The following ZBTB40 variants were observed in gnomAD, a reference collection of about 807,000 sequenced individuals.
ZBTB40 encodes the protein zinc finger and BTB domain-containing protein 40.
ZBTB40 carries 60 observed loss-of-function variants against 117.5 expected under a neutral mutation model. The ratio of observed to expected loss-of-function variants is 0.51; its 90% CI spans 0.41 to 0.63. The LOEUF is 0.63. ZBTB40 is among the 30% of genes least tolerant of loss of function. ZBTB40 has a pLI of 0.00. For synonymous variants in ZBTB40, 525 were observed against 577.1 expected (o/e 0.91, Z 1.29); for missense variants, 1,287 against 1,498.5 (o/e 0.86, Z 2.33).
In ZBTB40 at chr1:22,489,994, A is replaced by G. The variant is rs1454495968; in HGVS notation, c.46A>G (p.Thr16Ala). 1.2e-6 allele frequency: 2 copies of G among 1,613,606 alleles called. No individual in the cohort carries two copies. The highest frequency in any genetic ancestry group is 1.7e-6 in the Non-Finnish European group (2 of 1,179,994). ...CCGGCAGCTGCTGCAGCAGCTGTAC[A>G]CTCTGTGCAAGGAGCAGCAGTTCTG... Reference protein sequence around the residue: ...YSRQLLQQLYTLCKEQQFCDC... With the variant: ...YSRQLLQQLYALCKEQQFCDC... The change falls in exon 2 of 18, where the codon ACT becomes GCT. Residue 16 changes from threonine (T) to alanine (A), a missense_variant. Physicochemically the swap from Thr to Ala is moderately conservative, Grantham distance 58. This residue lies in a region of ZBTB40 where 870 missense variants were observed against 934.4 expected (regional missense o/e 0.93). Coordinates refer to ENST00000375647, the MANE Select transcript of ZBTB40 (RefSeq NM_014870.4).
rs779985486 is a variant in ZBTB40, at chr1:22,521,664, G to T, written c.3211+6G>T. 2 of 1,614,248 alleles carry T rather than the reference G, an allele frequency of 1.2e-6. No individual in the cohort carries two copies. The highest frequency in any genetic ancestry group is 3.3e-5 in the Admixed American group (2 of 60,026). On this transcript the variant is annotated splice_donor_region_variant and intron_variant, in intron 15 of 17. Transcript: ENST00000375647. ...CATCAAAGCAGAACATGCAGGTGGA[G>T]TTTGGGTACCGCCGGCAGAGAGCGG...
At chr1:22,460,040 C>A (rs918749170) in intron 1 of ZBTB40, among the ~76,000 whole-genome samples, 1 of 152,090 alleles carries the variant, frequency 6.6e-6, no homozygotes, top group African/African-American at 2.4e-5. Flanking sequence ...ATTTTGCATG[C>A]GACTTCAAAT....
chr1:22,508,751 G>C lies in ZBTB40; in HGVS notation c.1699+20G>C, dbSNP rs776695324. 31 of 1,611,352 alleles carry C rather than the reference G, an allele frequency of 1.9e-5. No homozygotes were observed. Among genetic ancestry groups the C allele is most frequent in the Admixed American group, 3.3e-5 (2 of 59,832 alleles). On this transcript the variant is annotated intron_variant, in intron 8 of 17. Coordinates refer to ENST00000375647, the MANE Select transcript of ZBTB40 (RefSeq NM_014870.4). ...GGGCAGGTAAGTTACCTGCCCTCTG[G>C]GGGGGTTTTGCCCCCACTAGAGATG...
At chr1:22,466,786 A>G (rs190541291) in intron 1 of ZBTB40, among the ~76,000 whole-genome samples, 73 of 151,494 alleles carry the variant, frequency 4.8e-4, no homozygotes, top group African/African-American at 1.7e-3. Flanking sequence ...AGATTCTGGT[A>G]CACTATATGT....
At chr1:22,503,546 T>G (rs1196730203) in intron 5 of ZBTB40, among the ~76,000 whole-genome samples, 1 of 152,120 alleles carries the variant, frequency 6.6e-6, no homozygotes, top group Non-Finnish European at 1.5e-5. Flanking sequence ...AGCCCTGAAT[T>G]TACAGTGAGG....
intron 11 of ZBTB40, among the ~76,000 whole-genome samples, 163 bp from the exon 12 acceptor site, chr1:22,512,761 G>A (rs776545229): frequency 4.6e-5 from 7 of 152,136 alleles, no homozygotes; most frequent in Non-Finnish European, 7.3e-5. Context: ...AGAGAGCAGC[G>A]TGGCTGTGTG....
Position 22,433,432 on chromosome 1 carries a change from CAAAAAA to C in ZBTB40, c.-70+4438_-70+4443del, listed in dbSNP as rs767913519. Among the ~76,000 whole-genome samples the C allele has an allele frequency of 8.7e-3, 76 of 8,766 alleles. 2 individuals carry two copies. In the South Asian group the frequency reaches 0.28, roughly 32 times the overall value. 5.8% of individuals were successfully genotyped at this position (8,766 alleles called of 152,430 possible). ...TGGGCGACAGAGCAAGACGCCCTCT[CAAAAAA>C]AAAAAAAAAAAAAAAAAAAGACAGC... On this transcript the variant is annotated intron_variant, in intron 1 of 8. Coordinates refer to the ZBTB40 transcript ENST00000650433.
intron 16 of ZBTB40, among the ~76,000 whole-genome samples, chr1:22,522,945 C>CTTTTTTTTTTTTTTTTTTTTTTTTTTTT (rs34232963): frequency 1.1e-5 from 1 of 93,910 alleles, no homozygotes; most frequent in African/African-American, 3.9e-5. Context: ...TAAGATGTAC[C>CTTTTTTTTTTTTTTTTTTTTTTTTTTTT]TTTTTTTTTT....
intron 1 of ZBTB40, among the ~76,000 whole-genome samples, chr1:22,474,896 A>G (rs551811068): frequency 5.1e-4 from 78 of 151,950 alleles, no homozygotes; most frequent in Middle Eastern, 3.2e-3. Context: ...GCCTCAAAAT[A>G]GAAGTCAAGA....
chr1:22,480,517 G>A (rs770851694), intron 1 of ZBTB40, among the ~76,000 whole-genome samples: 5 of 151,782 alleles, frequency 3.3e-5, no homozygotes, highest in Non-Finnish European at 7.4e-5. Context: ...TGTTGTTGTC[G>A]TTTTTTGTAT....
At chr1:22,498,777 G>A (rs1052484739) in intron 3 of ZBTB40, among the ~76,000 whole-genome samples, 2 of 96,182 alleles carry the variant, frequency 2.1e-5, no homozygotes, top group Admixed American at 2.5e-4. Context: ...TATTCGGAGA[G>A]TTTCAGGTGG....
intron 1 of ZBTB40, among the ~76,000 whole-genome samples, chr1:22,461,256 G>A (rs1557484036): frequency 6.6e-6 from 1 of 151,762 alleles, no homozygotes; most frequent in Admixed American, 6.6e-5. Flanking sequence ...GTTGTAGTCA[G>A]GTTAAAACCA....
chr1:22,465,546 C>T (rs1641234027), intron 1 of ZBTB40, among the ~76,000 whole-genome samples: 1 of 152,204 alleles, frequency 6.6e-6, no homozygotes, highest in African/African-American at 2.4e-5. Flanking sequence ...AGGGACCTTA[C>T]TGGGACCTGC....
intron 16 of ZBTB40, among the ~76,000 whole-genome samples, chr1:22,523,993 C>T (rs1639608158): frequency 6.6e-6 from 1 of 152,186 alleles, no homozygotes. Context: ...CATCTCAGGG[C>T]CCCTCACTTG....
intron 1 of ZBTB40, among the ~76,000 whole-genome samples, chr1:22,437,361 G>C (rs1640682360): frequency 6.6e-6 from 1 of 151,656 alleles, no homozygotes; most frequent in Non-Finnish European, 1.5e-5. Context: ...TGTTGGAGGA[G>C]TGCACATACT....
At position 22,510,605 on chromosome 1, in the gene ZBTB40, C is replaced by T. The variant is rs142458057; in HGVS notation, c.1834-574C>T. On this transcript the variant is annotated intron_variant, in intron 9 of 17. Coordinates refer to ENST00000375647, the MANE Select transcript of ZBTB40 (RefSeq NM_014870.4). The stretch of plus-strand genomic sequence containing the variant: ...ATAGCTCTAACATTCTGAAAGAGGA[C>T]GACGGCTTTGAAATAATATTCTTGG... Among the ~76,000 whole-genome samples the T allele has an allele frequency of 3.5e-4, 54 of 152,230 alleles. 1 individual carries two copies. In the East Asian group the frequency reaches 9.8e-3, roughly 28 times the overall value.
intron 1 of ZBTB40, among the ~76,000 whole-genome samples, chr1:22,488,496 G>A (rs1319778502): frequency 1.3e-5 from 2 of 152,112 alleles, no homozygotes; most frequent in Non-Finnish European, 2.9e-5. Context: ...AGCCAGCCAG[G>A]CACAGATATA....
Position 22,529,225 on chromosome 1 carries a change from A to T in ZBTB40, c.*2829A>T, listed in dbSNP as rs1254254176. On this transcript the variant is annotated 3_prime_UTR_variant, in exon 18 of 18. Transcript: ENST00000375647. ...TGTTTGTGTGGTCTCCTGAGTCCAC[A>T]TCGCTCGCTTCCATGGGGTCCCGGT... The T allele has an allele frequency of 5.9e-5, 9 of 152,340 alleles. No homozygotes were observed. Among genetic ancestry groups the T allele is most frequent in the Non-Finnish European group, 1.3e-4 (9 of 68,086 alleles). The allele number at this position is 152,340 out of a possible 1,614,324, so 9.4% of individuals were successfully genotyped here.
chr1:22,503,739 C>T (rs1408180349), intron 5 of ZBTB40, among the ~76,000 whole-genome samples: 1 of 152,162 alleles, frequency 6.6e-6, no homozygotes, highest in Non-Finnish European at 1.5e-5. Flanking sequence ...GATTAAACTT[C>T]TGTTTTTTTT....
Sources: allele counts gnomAD v4.1 joint callset (sites outside exome capture counted in the v4.1 genomes callset), GRCh38; gene constraint gnomAD v4.1.1; regional missense constraint gnomAD v4.1.1; transcripts MANE v1.5; gene names NCBI Gene and HGNC (gene_info 2026-07-23, HGNC 2026-07-21).